Variants in STX19 observed in about 807,000 individuals in gnomAD.
STX19 encodes the protein syntaxin 19.
In STX19, 26 loss-of-function variants were observed where a neutral mutation model predicts 24.3. That is an observed-to-expected ratio of 1.07 (90% CI 0.78 to 1.48). The LOEUF (loss-of-function observed/expected upper bound fraction) is 1.48, where lower values mean the gene tolerates loss of function less well. STX19 is among the 40% of genes most tolerant of loss of function. The pLI, the probability that STX19 is intolerant of heterozygous loss-of-function variation, is 0.00. For synonymous variants in STX19, 116 were observed against 106.9 expected, an observed-to-expected ratio of 1.09 and a Z score of -0.52; for missense variants, 367 against 331.9, an observed-to-expected ratio of 1.11 and a Z score of -0.82.
intron 1 of STX19, among the ~76,000 whole-genome samples, chr3:94,024,739 C>T (rs566804070): frequency 6.6e-6 from 1 of 152,190 alleles, no homozygotes; most frequent in South Asian, 2.1e-4. Flanking sequence ...TTGCATGCCA[C>T]TGTGCTTGGC....
At chr3:94,016,594 T>C (rs2076337724) in intron 1 of STX19, among the ~76,000 whole-genome samples, 1 of 152,092 alleles carries the variant, frequency 6.6e-6, no homozygotes, top group South Asian at 2.1e-4. Flanking sequence ...TAGAAGACCC[T>C]TGGGTTCACA....
chr3:94,015,875 G>A (rs557748776), intron 1 of STX19, among the ~76,000 whole-genome samples: 114 of 152,254 alleles, frequency 7.5e-4, no homozygotes, highest in African/African-American at 2.7e-3. Flanking sequence ...TTGCATATAT[G>A]TGAAAACATT....
Position 94,014,584 on chromosome 3 carries a change from A to G in STX19, c.686T>C (p.Leu229Ser). Residue 229 changes from leucine to serine, a missense_variant, in exon 2 of 2, where the codon TTA (leucine) becomes TCA (serine). Coordinates refer to ENST00000315099, the MANE Select transcript of STX19 (RefSeq NM_001001850.3). ...AGATATCTGAATGAAAAGATCCCTTAAATCCTTTATTTGGTTCTCCAAATT... is the reference window on the plus strand; with the variant it reads ...AGATATCTGAATGAAAAGATCCCTTGAATCCTTTATTTGGTTCTCCAAATT... ...LVNLENQIKD[L>S]RDLFIQISLL... The G allele has an allele frequency of 6.2e-7, 1 of 1,612,736 alleles. No homozygotes were observed. The highest frequency in any genetic ancestry group is 1.7e-5 in the Admixed American group (1 of 59,828).
intron 1 of STX19, 28 bp from the exon 2 acceptor site, chr3:94,015,310 C>A: frequency 6.7e-7 from 1 of 1,487,442 alleles, no homozygotes; most frequent in Non-Finnish European, 8.9e-7. Flanking sequence ...TTGTGTTGAA[C>A]AAGTAGAAAT....
intron 1 of STX19, among the ~76,000 whole-genome samples, chr3:94,022,283 G>A (rs781236369): frequency 2.0e-5 from 3 of 151,750 alleles, no homozygotes; most frequent in Non-Finnish European, 4.4e-5. Context: ...CTGCCACCAC[G>A]CACAGCTAAT....
chr3:94,027,317 C>A (rs1260155480), intron 1 of STX19, among the ~76,000 whole-genome samples: 1 of 151,942 alleles, frequency 6.6e-6, no homozygotes. Context: ...TTGCAAATTG[C>A]ATATATTGTC....
intron 1 of STX19, among the ~76,000 whole-genome samples, chr3:94,026,794 G>T (rs974255565): frequency 6.6e-6 from 1 of 152,058 alleles, no homozygotes; most frequent in Non-Finnish European, 1.5e-5. Context: ...TGTTTAACTT[G>T]CAGCATTGCT....
chr3:94,015,183 C>CT lies in STX19; in HGVS notation c.86dup (p.Glu30GlyfsTer13). 6.2e-7 allele frequency: 1 copy of CT among 1,613,700 alleles called. No individual in the cohort carries two copies. The highest frequency in any genetic ancestry group is 2.2e-5 in the East Asian group (1 of 44,858). ...CTTGCTGTAGAAACACCCCTTGTTC[C>CT]TCTGTTTCTGTAGTTGATACATGAC... On this transcript the variant is annotated frameshift_variant, in exon 2 of 2. Transcript: ENST00000315099. LOFTEE classifies it high-confidence loss of function.
intron 1 of STX19, among the ~76,000 whole-genome samples, chr3:94,025,257 C>A (rs1303419341): frequency 2.6e-5 from 4 of 151,016 alleles, no homozygotes; most frequent in African/African-American, 9.7e-5. Context: ...AAGCAAAAAA[C>A]AAAATATCCT....
At chr3:94,024,191 A>T (rs1343721706) in intron 1 of STX19, among the ~76,000 whole-genome samples, 1 of 152,054 alleles carries the variant, frequency 6.6e-6, no homozygotes, top group Non-Finnish European at 1.5e-5. Flanking sequence ...CTGGTCTTGA[A>T]CTCCTAGCCT....
intron 1 of STX19, among the ~76,000 whole-genome samples, chr3:94,024,327 G>T (rs1310367538): frequency 6.6e-6 from 1 of 152,178 alleles, no homozygotes; most frequent in Admixed American, 6.5e-5. Flanking sequence ...AAAAGAAAGA[G>T]TAACAATGTT....
At chr3:94,021,368 T>C (rs2076445826) in intron 1 of STX19, among the ~76,000 whole-genome samples, 1 of 151,854 alleles carries the variant, frequency 6.6e-6, no homozygotes, top group African/African-American at 2.4e-5. Context: ...ATAATTTTTG[T>C]ATTTCTGGTA....
At chr3:94,026,421 A>T (rs1030248168) in intron 1 of STX19, among the ~76,000 whole-genome samples, 4 of 152,210 alleles carry the variant, frequency 2.6e-5, no homozygotes, top group Admixed American at 6.5e-5. Context: ...TGTTTCCCTA[A>T]ATCCTTGTTC....
At chr3:94,022,441 GTTATT>G (rs2076468606) in intron 1 of STX19, among the ~76,000 whole-genome samples, 1 of 151,936 alleles carries the variant, frequency 6.6e-6, no homozygotes, top group African/African-American at 2.4e-5. Context: ...TTTGGTTTTA[GTTATT>G]TTATTGAATT....
In STX19 at chr3:94,014,761, A is replaced by T. The variant is rs2076292824; in HGVS notation, c.509T>A (p.Leu170His). The change falls in exon 2 of 2, where the codon CTT becomes CAT. Residue 170 changes from leucine to histidine, a missense_variant. Transcript: ENST00000315099. ...AGACATCTCTTTTCCAGCAACTTCA[A>T]GCTGACGTAAAATAAATGTCTTGCA... ...EKCKTFILRQ[L>H]EVAGKEMSEE... 3 of 1,613,628 alleles carry T rather than the reference A, an allele frequency of 1.9e-6. No homozygotes were observed. The highest frequency in any genetic ancestry group is 2.5e-6 in the Non-Finnish European group (3 of 1,179,854).
intron 1 of STX19, among the ~76,000 whole-genome samples, chr3:94,023,401 A>G (rs2076490145): frequency 6.6e-6 from 1 of 151,942 alleles, no homozygotes; most frequent in South Asian, 2.1e-4. Context: ...TTTCACAACA[A>G]TGTGATCTGG....
At chr3:94,019,032 C>T (rs1477930476) in intron 1 of STX19, among the ~76,000 whole-genome samples, 1 of 152,182 alleles carries the variant, frequency 6.6e-6, no homozygotes, top group Non-Finnish European at 1.5e-5. Context: ...TCCCAAAGTG[C>T]TGGGATTACA....
intron 1 of STX19, among the ~76,000 whole-genome samples, chr3:94,018,297 G>GA (rs888263930): frequency 2.0e-5 from 3 of 152,114 alleles, no homozygotes; most frequent in African/African-American, 7.2e-5. Context: ...TAATGATAGA[G>GA]ATGGAGTAAA....
chr3:94,024,073 C>G (rs2076505604), intron 1 of STX19, among the ~76,000 whole-genome samples: 2 of 152,110 alleles, frequency 1.3e-5, no homozygotes, highest in Non-Finnish European at 2.9e-5. Context: ...AGTCATCTAA[C>G]CAAATTTCTG....
Sources: gnomAD v4.1 joint callset for allele counts (sites outside exome capture counted in the v4.1 genomes callset) on GRCh38, gnomAD v4.1.1 for gene constraint, MANE v1.5 for transcripts, NCBI Gene and HGNC (gene_info 2026-07-23, HGNC 2026-07-21) for gene names.